Variants in UGT1A8 observed in about 807,000 individuals in gnomAD.
UGT1A8 encodes the protein UDP glucuronosyltransferase family 1 member A8.
In UGT1A8, 39 loss-of-function variants were observed where a neutral mutation model predicts 45.3. The ratio of observed to expected loss-of-function variants is 0.86; its 90% confidence interval spans 0.67 to 1.12. The LOEUF (loss-of-function observed/expected upper bound fraction) is 1.12. Ranked by LOEUF, UGT1A8 falls within the 50% of genes most tolerant of loss-of-function variation. The probability of loss-of-function intolerance (pLI) is 0.00; values close to 1 mark genes in which losing one functional copy is unlikely to be tolerated. For missense variants in UGT1A8, 719 were observed against 664.9 expected (o/e 1.08, Z -0.90); for synonymous variants, 275 against 249.2 (o/e 1.10, Z -0.97).
At chr2:233,679,555 G>A (rs1317716484) in intron 1 of UGT1A8, among the ~76,000 whole-genome samples, 1 of 151,276 alleles carries the variant, frequency 6.6e-6, no homozygotes, top group African/African-American at 2.4e-5. Context: ...CTTTTTTTTT[G>A]TTTGTTTGTT....
At chr2:233,671,939 C>T (rs765392612) in intron 1 of UGT1A8, 9 of 1,608,192 alleles carry the variant, frequency 5.6e-6, no homozygotes, top group Non-Finnish European at 6.8e-6. Flanking sequence ...TCTCTGATGG[C>T]TTGCACAGGG....
chr2:233,756,076 G>T (rs915859102), intron 1 of UGT1A8: 19 of 152,212 alleles, frequency 1.2e-4, no homozygotes, highest in African/African-American at 2.4e-5. Flanking sequence ...GAATGACAAT[G>T]AGAAAATCAA....
intron 1 of UGT1A8, chr2:233,721,988 G>A (rs1184404507): frequency 1.1e-5 from 3 of 269,960 alleles, no homozygotes; most frequent in African/African-American, 2.2e-5. Context: ...GTAGTTTCAC[G>A]AATGTCCTTT....
chr2:233,744,437 G>A (rs1405958246), intron 1 of UGT1A8, among the ~76,000 whole-genome samples: 1 of 151,860 alleles, frequency 6.6e-6, no homozygotes, highest in Non-Finnish European at 1.5e-5. Context: ...TCTATCATAC[G>A]TACTGCATTA....
chr2:233,725,125 G>C (rs1256400023), intron 1 of UGT1A8, among the ~76,000 whole-genome samples: 1 of 138,156 alleles, frequency 7.2e-6, no homozygotes, highest in Non-Finnish European at 1.5e-5. Context: ...GCAGTGAGCC[G>C]AGATGGCAGC....
chr2:233,657,131 A>G (rs2073872946), intron 1 of UGT1A8, among the ~76,000 whole-genome samples: 1 of 152,172 alleles, frequency 6.6e-6, no homozygotes, highest in Admixed American at 6.5e-5. Flanking sequence ...CACTCAAGAC[A>G]TTCTGGTGAT....
intron 1 of UGT1A8, among the ~76,000 whole-genome samples, chr2:233,623,458 T>A (rs2125449615): frequency 6.6e-6 from 1 of 152,276 alleles, no homozygotes; most frequent in East Asian, 1.9e-4. Context: ...GTAAGTTGGA[T>A]TCCTAGGTGT....
intron 1 of UGT1A8, chr2:233,718,769 G>C: frequency 1.2e-6 from 2 of 1,612,822 alleles, no homozygotes; most frequent in African/African-American, 1.3e-5. Context: ...GGAAACAAAT[G>C]TAGCAGGCAC....
intron 1 of UGT1A8, chr2:233,719,423 T>C (rs1466755508): frequency 3.7e-6 from 6 of 1,613,856 alleles, no homozygotes; most frequent in Non-Finnish European, 2.5e-6. Context: ...TAACGACCAA[T>C]TCAGACCACA....
chr2:233,735,494 C>T (rs1320863859), intron 1 of UGT1A8, among the ~76,000 whole-genome samples: 1 of 152,164 alleles, frequency 6.6e-6, no homozygotes, highest in Non-Finnish European at 1.5e-5. Flanking sequence ...TTAATTGCAG[C>T]ATTTAGCCCA....
At chr2:233,708,181 C>T (rs980822375) in intron 1 of UGT1A8, among the ~76,000 whole-genome samples, 3 of 152,162 alleles carry the variant, frequency 2.0e-5, no homozygotes, top group East Asian at 1.9e-4. Context: ...CTTACTGTGT[C>T]GTGCACATTT....
chr2:233,694,907 G>A (rs1347121458), intron 1 of UGT1A8, among the ~76,000 whole-genome samples: 1 of 152,154 alleles, frequency 6.6e-6, no homozygotes, highest in African/African-American at 2.4e-5. Flanking sequence ...TTTGATACAC[G>A]TATACAATGT....
intron 1 of UGT1A8, among the ~76,000 whole-genome samples, chr2:233,668,626 G>T (rs1023502067): frequency 6.6e-6 from 1 of 152,176 alleles, no homozygotes; most frequent in Non-Finnish European, 1.5e-5. Context: ...TTGAGGAATT[G>T]CCACACTGTC....
At chr2:233,664,709 G>A (rs115016411) in intron 1 of UGT1A8, among the ~76,000 whole-genome samples, 48 of 152,280 alleles carry the variant, frequency 3.2e-4, no homozygotes, top group Admixed American at 8.5e-4. Flanking sequence ...CCACCCCCAT[G>A]ATCCAAACAC....
At chr2:233,672,688 T>A in intron 1 of UGT1A8, 2 of 1,613,944 alleles carry the variant, frequency 1.2e-6, no homozygotes, top group South Asian at 1.1e-5. Flanking sequence ...ATCAATTTGG[T>A]TGTTGCGAAC....
intron 1 of UGT1A8, chr2:233,693,776 G>A: frequency 6.2e-7 from 1 of 1,614,238 alleles, no homozygotes; most frequent in Non-Finnish European, 8.5e-7. Context: ...GTTAAGATAT[G>A]ACTTTGTGCT....
At chr2:233,664,301 C>T (rs1030849861) in intron 1 of UGT1A8, among the ~76,000 whole-genome samples, 5 of 152,180 alleles carry the variant, frequency 3.3e-5, no homozygotes, top group African/African-American at 1.2e-4. Context: ...ACTCTTCAAA[C>T]GTCTGCCTGC....
chr2:233,702,350 T>A (rs764503296), intron 1 of UGT1A8, among the ~76,000 whole-genome samples: 41 of 151,378 alleles, frequency 2.7e-4, no homozygotes, highest in Non-Finnish European at 4.3e-4. Flanking sequence ...GTTCTAATAG[T>A]TTTTTTTTAG....
intron 1 of UGT1A8, among the ~76,000 whole-genome samples, chr2:233,628,512 T>C (rs1033317679): frequency 6.6e-6 from 1 of 152,174 alleles, no homozygotes; most frequent in Admixed American, 6.6e-5. Flanking sequence ...AGGAGATTTT[T>C]GTAGTTTGTT....
Sources: allele counts gnomAD v4.1 joint callset (sites outside exome capture counted in the v4.1 genomes callset), GRCh38; gene constraint gnomAD v4.1.1; transcripts MANE v1.5; gene names NCBI Gene and HGNC (gene_info 2026-07-23, HGNC 2026-07-21).